The following EXD1 variants were observed in gnomAD, a reference collection of about 807,000 sequenced individuals.
EXD1 encodes the protein piRNA biogenesis protein EXD1.
In EXD1, 63 loss-of-function variants were observed where a neutral mutation model predicts 49.1. The observed-to-expected ratio is 1.28, with a 90% CI of 1.05 to 1.58. EXD1 has a LOEUF of 1.58. EXD1 is among the 40% of genes most tolerant of loss of function. EXD1 has a pLI of 0.00. For synonymous variants in EXD1, 234 were observed against 239.2 expected (o/e 0.98, Z 0.20); for missense variants, 748 against 666.0 (o/e 1.12, Z -1.36).
chr15:41,201,922 G>A (rs1469579391), intron 7 of EXD1, among the ~76,000 whole-genome samples: 1 of 152,072 alleles, frequency 6.6e-6, no homozygotes, highest in Non-Finnish European at 1.5e-5. Flanking sequence ...GGAGGCTGAG[G>A]TGGGAGGATC....
intron 5 of EXD1, 110 bp from the exon 6 acceptor site, chr15:41,215,943 C>T: frequency 3.5e-6 from 4 of 1,135,078 alleles, no homozygotes; most frequent in Non-Finnish European, 3.9e-6. Context: ...AACTCAAATA[C>T]CCTAAAATTG....
At chr15:41,211,991 A>G (rs532647447) in intron 6 of EXD1, among the ~76,000 whole-genome samples, 1 of 151,658 alleles carries the variant, frequency 6.6e-6, no homozygotes, top group African/African-American at 2.4e-5. Context: ...GGATCTAAAT[A>G]GACATTTCTC....
At chr15:41,211,354 G>C (rs1289208957) in intron 6 of EXD1, among the ~76,000 whole-genome samples, 1 of 151,866 alleles carries the variant, frequency 6.6e-6, no homozygotes, top group Admixed American at 6.6e-5. Flanking sequence ...CAAGTGATCT[G>C]CCTGCCTTGG....
rs560108999 is a variant in EXD1 at position 41,194,082 on chromosome 15, G to A, written c.720+1693C>T. Among the ~76,000 whole-genome samples the A allele has an allele frequency of 2.9e-4, 41 of 143,102 alleles. No individual in the cohort carries two copies. In the South Asian group the frequency reaches 9.1e-3, roughly 32 times the overall value. 93.9% of individuals were successfully genotyped at this position (143,102 alleles called of 152,430 possible). A position where few individuals can be genotyped will look rare whatever the true frequency, so the allele number is the denominator to read the frequency against. ...GCTGGAGTGCAGTGGTGCAATCTTAGCTTACTGCAAGCTCTGACTCCCAGG... is the reference window on the plus strand; with the variant it reads ...GCTGGAGTGCAGTGGTGCAATCTTAACTTACTGCAAGCTCTGACTCCCAGG... On this transcript the variant is annotated intron_variant, in intron 9 of 11. Coordinates refer to ENST00000458580, the MANE Select transcript of EXD1 (RefSeq NM_001286441.2).
intron 1 of EXD1, among the ~76,000 whole-genome samples, chr15:41,229,230 C>T (rs2047201643): frequency 6.6e-6 from 1 of 152,236 alleles, no homozygotes; most frequent in African/African-American, 2.4e-5. Context: ...GTAATCCCAA[C>T]ACTTTGGGAG....
In EXD1 at chr15:41,184,218, C is replaced by A; in HGVS notation, c.1432G>T (p.Glu478Ter). Residue 478 changes from glutamate (E) to a stop codon, truncating the protein, a stop_gained, in exon 12 of 12, where the codon GAG becomes TAG. Coordinates refer to ENST00000458580, the MANE Select transcript of EXD1 (RefSeq NM_001286441.2). LOFTEE classifies it low-confidence loss of function (END_TRUNC). ...TCTTTCTGAGTTATTCTCTGGTCCT[C>A]TGACCCCTTTGACTTTGTGCAAATG... ...KLICTKSKGS[E>*]DQRITQKEHF... 6.2e-7 allele frequency: 1 copy of A among 1,614,216 alleles called. No individual in the cohort carries two copies. Among genetic ancestry groups the A allele is most frequent in the Non-Finnish European group, 8.5e-7 (1 of 1,180,050 alleles).
intron 2 of EXD1, among the ~76,000 whole-genome samples, chr15:41,223,393 C>T (rs1423235192): frequency 6.6e-6 from 1 of 151,790 alleles, no homozygotes; most frequent in African/African-American, 2.4e-5. Context: ...GCACTCCAGG[C>T]TGAATGACAG....
Position 41,191,555 on chromosome 15 carries a change from T to C in EXD1, c.751A>G (p.Thr251Ala), listed in dbSNP as rs1340967895. 6.2e-7 allele frequency: 1 copy of C among 1,613,940 alleles called. No individual in the cohort carries two copies. Among genetic ancestry groups the C allele is most frequent in the East Asian group, 2.2e-5 (1 of 44,882 alleles). Residue 251 changes from threonine (T) to alanine (A), a missense_variant, in exon 10 of 12, where the codon ACG becomes GCG. By Grantham distance (58) the Thr-to-Ala change is moderately conservative. Transcript: ENST00000458580. ...VADVLQFSME[T>A]GGYLPNCITT... The stretch of plus-strand genomic sequence containing the variant: ...ATGCAGTTTGGAAGATAGCCACCCG[T>C]TTCCATGGAAAACTGAAGTACATCT...
chr15:41,207,313 G>C (rs1222646666), intron 7 of EXD1, among the ~76,000 whole-genome samples: 1 of 151,930 alleles, frequency 6.6e-6, no homozygotes, highest in Non-Finnish European at 1.5e-5. Context: ...AGGCCAAGGC[G>C]GGTGGATCAC....
chr15:41,191,833 G>T (rs1475317211), intron 9 of EXD1: 6 of 391,716 alleles, frequency 1.5e-5, no homozygotes, highest in Non-Finnish European at 2.8e-5. Flanking sequence ...CTGGAGTGCA[G>T]TGGCATGATC....
At chr15:41,194,228 G>C (rs1366610496) in intron 9 of EXD1, among the ~76,000 whole-genome samples, 1 of 152,008 alleles carries the variant, frequency 6.6e-6, no homozygotes, top group Non-Finnish European at 1.5e-5. Context: ...AGCCAGGATG[G>C]TCTCAATCTC....
chr15:41,208,620 C>T (rs934900668), intron 7 of EXD1, among the ~76,000 whole-genome samples: 28 of 151,786 alleles, frequency 1.8e-4, no homozygotes, highest in Admixed American at 1.7e-3. Flanking sequence ...GGTGTGGTGG[C>T]GCATGCCTAT....
In EXD1 at chr15:41,199,707, CAT is replaced by C. The variant is rs375057768; in HGVS notation, c.535-3672_535-3671del. ...TATATATGAGATATATTACATATAT[CAT>C]ATATATGATATATTATATATGATAT... On this transcript the variant is annotated intron_variant, in intron 7 of 11. Coordinates refer to ENST00000458580, the MANE Select transcript of EXD1 (RefSeq NM_001286441.2). 3.9e-3 allele frequency among the ~76,000 whole-genome samples: 367 copies of C among 93,744 alleles called. 7 individuals are homozygous for C. Among genetic ancestry groups the C allele is most frequent in the African/African-American group, 0.014 (331 of 23,464 alleles). 61.5% of individuals were successfully genotyped at this position (93,744 alleles called of 152,430 possible).
At chr15:41,197,171 G>A (rs558736926) in intron 7 of EXD1, among the ~76,000 whole-genome samples, 1 of 151,568 alleles carries the variant, frequency 6.6e-6, no homozygotes, top group Admixed American at 6.6e-5. Context: ...AGAGAAAACA[G>A]GTATAATTTG....
intron 7 of EXD1, among the ~76,000 whole-genome samples, chr15:41,206,463 G>A (rs1440641872): frequency 3.3e-5 from 4 of 120,854 alleles, no homozygotes; most frequent in Non-Finnish European, 6.5e-5. Flanking sequence ...GCAACAGAGA[G>A]ACCCTGTCTC....
intron 5 of EXD1, 138 bp from the exon 6 acceptor site, chr15:41,215,971 CG>C: frequency 1.4e-6 from 1 of 706,130 alleles, no homozygotes; most frequent in Non-Finnish European, 2.5e-6. Context: ...ACCCTCCCTA[CG>C]TACTACTTCT....
intron 11 of EXD1, among the ~76,000 whole-genome samples, chr15:41,187,844 C>A (rs1426099967): frequency 1.3e-5 from 2 of 151,642 alleles, no homozygotes; most frequent in African/African-American, 4.8e-5. Context: ...GGAGTAACCC[C>A]GTCTCTACTA....
chr15:41,200,382 G>T (rs936387184), intron 7 of EXD1, among the ~76,000 whole-genome samples: 1 of 152,052 alleles, frequency 6.6e-6, no homozygotes, highest in African/African-American at 2.4e-5. Context: ...AATTAGTTGG[G>T]CGTGGTGGTG....
chr15:41,209,538 G>A lies in EXD1; in HGVS notation c.497C>T (p.Ala166Val), dbSNP rs1217260820. The A allele has an allele frequency of 3.7e-6, 6 of 1,613,934 alleles. No homozygotes were observed. Among genetic ancestry groups the A allele is most frequent in the South Asian group, 1.1e-5 (1 of 91,080 alleles). Residue 166 changes from alanine (A) to valine (V), a missense_variant, in exon 7 of 12, where the codon GCG (alanine) becomes GTG (valine). Coordinates refer to ENST00000458580, the MANE Select transcript of EXD1 (RefSeq NM_001286441.2). ...QNVLSVAAEG[A>V]NVCRHGKLCW... ...CAGTTTGCCATGGCGACATACATTC[G>A]CTCCTTCTGCTGCCACACTCAGGAC...
Sources: allele counts gnomAD v4.1 joint callset (sites outside exome capture counted in the v4.1 genomes callset), GRCh38; gene constraint gnomAD v4.1.1; transcripts MANE v1.5; gene names NCBI Gene and HGNC (gene_info 2026-07-23, HGNC 2026-07-21).